Variants in BMP2K observed in about 807,000 individuals in gnomAD.
The protein encoded by BMP2K is BMP2 inducible kinase, also known as BMP-2-inducible protein kinase.
Under a neutral mutation model 116.0 loss-of-function variants are expected in BMP2K, and 74 were observed. The ratio of observed to expected loss-of-function variants is 0.64; its 90% CI spans 0.53 to 0.77. The LOEUF (loss-of-function observed/expected upper bound fraction) is 0.77, where lower values mean the gene tolerates loss of function less well. Among genes scored for constraint, BMP2K ranks in the 30% least tolerant of loss-of-function variants. The probability of loss-of-function intolerance (pLI) is 0.00; values close to 1 mark genes in which losing one functional copy is unlikely to be tolerated. For missense variants in BMP2K, 1,365 were observed against 1,403.6 expected (o/e 0.97, Z 0.44); for synonymous variants, 486 against 502.5 (o/e 0.97, Z 0.44).
At chr4:78,792,994 C>G (rs929841425) in intron 1 of BMP2K, among the ~76,000 whole-genome samples, 2 of 152,278 alleles carry the variant, frequency 1.3e-5, no homozygotes, top group East Asian at 3.9e-4. Flanking sequence ...GATTTACTGT[C>G]AAAGTAGGTG....
At position 78,859,665 on chromosome 4, in the gene BMP2K, A is replaced by T; in HGVS notation, c.965A>T (p.Asp322Val). 6.2e-7 allele frequency: 1 copy of T among 1,605,168 alleles called. No individual in the cohort carries two copies. Residue 322 changes from aspartate (D) to valine (V), a missense_variant, in exon 8 of 16, where the codon GAT (aspartate) becomes GTT (valine). By Grantham distance (152) the Asp-to-Val change is radical (BLOSUM62 -3). Coordinates refer to ENST00000502613, the MANE Select transcript of BMP2K (RefSeq NM_198892.2). ...TTTGCATTTAAATTTGCCAAAAAGG[A>T]TTGTCCAGTCTCCAACATCAATGTA... ...SYFAFKFAKK[D>V]CPVSNINNSS...
chr4:78,871,811 AAAG>A (rs1732369001), intron 11 of BMP2K, 36 bp from the exon 12 acceptor site: 3 of 1,434,346 alleles, frequency 2.1e-6, no homozygotes, highest in South Asian at 2.4e-5. Context: ...CTGACACAAA[AAAG>A]GCATAACATT....
rs780961812 is a variant in BMP2K at position 78,805,987 on chromosome 4, A to T, written c.179-20050A>T. Among the ~76,000 whole-genome samples the T allele has an allele frequency of 4.6e-5, 7 of 152,184 alleles. 1 individual carries two copies. Among genetic ancestry groups the T allele is most frequent in the East Asian group, 1.9e-4 (1 of 5,186 alleles). On this transcript the variant is annotated intron_variant, in intron 1 of 15. Transcript: ENST00000502613. ...CTCCATCTCACAAAAAAGAAAAAGA[A>T]ATACAATTGCTTTAAATTTTTTTTT...
intron 6 of BMP2K, among the ~76,000 whole-genome samples, chr4:78,849,905 T>C (rs1411183871): frequency 2.0e-5 from 3 of 151,704 alleles, no homozygotes; most frequent in Admixed American, 1.3e-4. Context: ...TCCATAATAA[T>C]TATAAAAATA....
intron 1 of BMP2K, among the ~76,000 whole-genome samples, chr4:78,813,291 A>G (rs1267970881): frequency 2.0e-5 from 3 of 152,084 alleles, no homozygotes; most frequent in Non-Finnish European, 4.4e-5. Context: ...GATCAAAACC[A>G]CTATTAAATT....
At chr4:78,858,072 T>C (rs1731589598) in intron 7 of BMP2K, among the ~76,000 whole-genome samples, 2 of 152,022 alleles carry the variant, frequency 1.3e-5, no homozygotes, top group South Asian at 4.1e-4. Context: ...GGACTAAATA[T>C]GTATAATTAG....
chr4:78,895,893 C>A (rs1382847171), intron 15 of BMP2K, among the ~76,000 whole-genome samples: 1 of 151,894 alleles, frequency 6.6e-6, no homozygotes, highest in Non-Finnish European at 1.5e-5. Context: ...TCCTAAGAAG[C>A]CTGGACTACA....
intron 3 of BMP2K, among the ~76,000 whole-genome samples, chr4:78,837,554 A>G (rs1377456780): frequency 6.6e-6 from 1 of 152,140 alleles, no homozygotes; most frequent in Non-Finnish European, 1.5e-5. Flanking sequence ...CCATGCAGAG[A>G]TACTGGGGGG....
intron 1 of BMP2K, among the ~76,000 whole-genome samples, chr4:78,791,396 C>T (rs1425514672): frequency 6.6e-6 from 1 of 152,162 alleles, no homozygotes; most frequent in African/African-American, 2.4e-5. Flanking sequence ...TAGTGAAAAG[C>T]ATTTCATTAC....
chr4:78,866,054 A>G (rs1429924473), intron 10 of BMP2K, among the ~76,000 whole-genome samples: 1 of 152,202 alleles, frequency 6.6e-6, no homozygotes, highest in Non-Finnish European at 1.5e-5. Context: ...TCTATGTTAT[A>G]TGAGAAAGAA....
chr4:78,834,303 C>A (rs367898557), intron 3 of BMP2K, among the ~76,000 whole-genome samples: 9 of 151,464 alleles, frequency 5.9e-5, no homozygotes, highest in East Asian at 5.8e-4. Flanking sequence ...GCTCTGTCGC[C>A]CAGGCTAGAG....
At chr4:78,884,748 T>G (rs770058507) in intron 14 of BMP2K, among the ~76,000 whole-genome samples, 2 of 152,188 alleles carry the variant, frequency 1.3e-5, no homozygotes, top group Non-Finnish European at 2.9e-5. Flanking sequence ...CATAAATGCA[T>G]TCAGGGCCTG....
In BMP2K at chr4:78,870,991, G is replaced by A. The variant is rs1560538259; in HGVS notation, c.1440G>A (p.Gln480=). The change falls in exon 11 of 16, where the codon CAG becomes CAA. Residue 480 remains glutamine, a synonymous_variant. Coordinates refer to ENST00000502613, the MANE Select transcript of BMP2K (RefSeq NM_198892.2). The part of the protein sequence containing the change: ...QQQQQQQQQQ[Q]QQQQQQHHHH... ...AGCAGCAGCAACAGCAACAGCAGCAGCAGCAGCAGCAGCAGCAGCACCACC... is the reference window on the plus strand; with the variant it reads ...AGCAGCAGCAACAGCAACAGCAGCAACAGCAGCAGCAGCAGCAGCACCACC... The A allele has an allele frequency of 4.6e-6, 7 of 1,512,132 alleles. No homozygotes were observed. The highest frequency in any genetic ancestry group is 6.4e-6 in the Non-Finnish European group (7 of 1,101,576). The allele number at this position is 1,512,132 out of a possible 1,614,324, so 93.7% of individuals were successfully genotyped here.
At chr4:78,830,732 A>G (rs1730169440) in intron 2 of BMP2K, among the ~76,000 whole-genome samples, 2 of 152,228 alleles carry the variant, frequency 1.3e-5, no homozygotes, top group Admixed American at 6.5e-5. Context: ...AACCTCTGCT[A>G]GCTTCAAACT....
chr4:78,867,385 C>T (rs1732108015), intron 10 of BMP2K, among the ~76,000 whole-genome samples: 1 of 151,980 alleles, frequency 6.6e-6, no homozygotes, highest in Non-Finnish European at 1.5e-5. Flanking sequence ...TCATAGTGTC[C>T]TTGTCTAATG....
intron 1 of BMP2K, among the ~76,000 whole-genome samples, chr4:78,821,064 T>C (rs984376903): frequency 1.3e-5 from 2 of 152,236 alleles, no homozygotes; most frequent in Admixed American, 1.3e-4. Context: ...CTGCAATGTC[T>C]TTCTTCTACT....
At chr4:78,831,816 G>A (rs1730220597) in intron 2 of BMP2K, among the ~76,000 whole-genome samples, 1 of 151,970 alleles carries the variant, frequency 6.6e-6, no homozygotes, top group Admixed American at 6.6e-5. Flanking sequence ...CCTTTTCTAG[G>A]GTTACATATG....
chr4:78,910,480 C>CA (rs1734529229), intron 15 of BMP2K, 130 bp from the exon 16 acceptor site: 1 of 759,552 alleles, frequency 1.3e-6, no homozygotes, highest in Non-Finnish European at 2.0e-6. Context: ...GAATTGACAA[C>CA]ATTATTTTTT....
At chr4:78,835,251 A>T (rs762812886) in intron 3 of BMP2K, among the ~76,000 whole-genome samples, 1 of 152,194 alleles carries the variant, frequency 6.6e-6, no homozygotes, top group African/African-American at 2.4e-5. Flanking sequence ...AGAAATAGTT[A>T]TCCGGTATTC....
Sources: gnomAD v4.1 joint callset for allele counts (sites outside exome capture counted in the v4.1 genomes callset) on GRCh38, gnomAD v4.1.1 for gene constraint, MANE v1.5 for transcripts, NCBI Gene and HGNC (gene_info 2026-07-23, HGNC 2026-07-21) for gene names.